MDN1: variants seen among roughly 807,000 people sequenced by gnomAD.
The protein encoded by MDN1 is midasin.
A neutral mutation model predicts 669.2 loss-of-function variants in MDN1; 266 were observed. The ratio of observed to expected loss-of-function variants is 0.40; its 90% confidence interval spans 0.36 to 0.44. The LOEUF (loss-of-function observed/expected upper bound fraction) is 0.44, where lower values mean the gene tolerates loss of function less well. MDN1 is among the 20% of genes least tolerant of loss of function. MDN1 has a pLI of 1.00. For missense variants in MDN1, 5,940 were observed against 6,754.0 expected (o/e 0.88, Z 4.22); for synonymous variants, 2,385 against 2,457.1 (o/e 0.97, Z 0.87).
chr6:89,721,601 C>T (rs543442892), intron 40 of MDN1, among the ~76,000 whole-genome samples: 1 of 152,182 alleles, frequency 6.6e-6, no homozygotes, highest in East Asian at 1.9e-4. Flanking sequence ...CCACAACAAG[C>T]AAGCATGCAG....
chr6:89,813,103 G>C (rs1378453008), intron 1 of MDN1, among the ~76,000 whole-genome samples: 2 of 152,168 alleles, frequency 1.3e-5, no homozygotes, highest in Admixed American at 1.3e-4. Context: ...ACCACGCCCG[G>C]CTAATTTCGT....
intron 33 of MDN1, among the ~76,000 whole-genome samples, chr6:89,736,858 G>C (rs1363292521): frequency 1.3e-5 from 2 of 152,152 alleles, no homozygotes; most frequent in African/African-American, 2.4e-5. Flanking sequence ...TAAATGTGCT[G>C]CTGCAAACAG....
At chr6:89,803,678 T>A in intron 1 of MDN1, 124 bp from the exon 2 acceptor site, 1 of 702,190 alleles carries the variant, frequency 1.4e-6, no homozygotes, top group Admixed American at 2.7e-5. Flanking sequence ...ACCTCCCGGG[T>A]TCATGCCATT....
intron 30 of MDN1, 92 bp downstream of exon 30, chr6:89,743,484 A>AC: frequency 2.7e-6 from 4 of 1,481,146 alleles, no homozygotes. Flanking sequence ...ATTTAACCAA[A>AC]CCAGAACCCA....
Position 89,748,623 on chromosome 6 carries a change from A to ACATTC in MDN1, c.3762+595_3762+599dup, listed in dbSNP as rs571327491. ...AAACCAGTTTTCCCTAAGCCAAATT[A>ACATTC]CATTCTAAACAAAATGCTTCAATAT... On this transcript the variant is annotated intron_variant, in intron 26 of 101. Coordinates refer to ENST00000369393, the MANE Select transcript of MDN1 (RefSeq NM_014611.3). Among the ~76,000 whole-genome samples, 439 of 152,284 alleles carry ACATTC rather than the reference A, an allele frequency of 2.9e-3. 3 individuals are homozygous for ACATTC. The highest frequency in any genetic ancestry group is 0.01 in the Middle Eastern group (3 of 294).
Position 89,785,075 on chromosome 6 carries a change from A to G in MDN1, c.1386T>C (p.Thr462=). ...NWYRPLNSHA[T]LLDKYWTKIH... ...TTTTGGTCCAATATTTGTCTAGCAA[A>G]GTAGCATGACTGTTTAGCGGTCGAT... The change falls in exon 9 of 102, where the codon ACT becomes ACC. Residue 462 remains threonine (T), a synonymous_variant. Transcript: ENST00000369393. 6.2e-7 allele frequency: 1 copy of G among 1,614,164 alleles called. No individual in the cohort carries two copies. Among genetic ancestry groups the G allele is most frequent in the Non-Finnish European group, 8.5e-7 (1 of 1,180,012 alleles).
At chr6:89,817,772 A>G (rs1253891045) in intron 1 of MDN1, among the ~76,000 whole-genome samples, 1 of 152,226 alleles carries the variant, frequency 6.6e-6, no homozygotes, top group Non-Finnish European at 1.5e-5. Context: ...CCCTGAGCAG[A>G]AAGTAAACAA....
intron 76 of MDN1, 43 bp from the exon 77 acceptor site, chr6:89,676,250 T>G: frequency 3.9e-6 from 6 of 1,547,708 alleles, no homozygotes; most frequent in Non-Finnish European, 5.4e-6. Context: ...AAAACCACGC[T>G]CTCCCACCCC....
At chr6:89,783,188 C>T (rs1345777863) in intron 9 of MDN1, among the ~76,000 whole-genome samples, 1 of 152,142 alleles carries the variant, frequency 6.6e-6, no homozygotes, top group Non-Finnish European at 1.5e-5. Flanking sequence ...GAGAGCCTAT[C>T]AACAGATGTG....
chr6:89,741,385 C>T (rs1006767570), intron 31 of MDN1, among the ~76,000 whole-genome samples: 1 of 152,096 alleles, frequency 6.6e-6, no homozygotes, highest in Admixed American at 6.5e-5. Flanking sequence ...TTTCTTCTAG[C>T]CTCCAAGCTG....
chr6:89,684,910 A>T lies in MDN1; in HGVS notation c.11795T>A (p.Val3932Glu). ...TTTTTCTAGGGGGGAACGAAGTTCC[A>T]CAATTTTGGCCTGGACCCGGTCAAA... ...QFFDRVQAKI[V>E]ELRSPLEKEL... is the part of the protein sequence containing the mutation. The change falls in exon 71 of 102, where the codon GTG becomes GAG. Residue 3932 changes from valine to glutamate, a missense_variant. By Grantham distance (121) the Val-to-Glu change is moderately radical. This residue lies in a region of MDN1 where 2,280 missense variants were observed against 2,576.3 expected (regional missense o/e 0.88). Coordinates refer to ENST00000369393, the MANE Select transcript of MDN1 (RefSeq NM_014611.3). 1 of 1,612,530 alleles carries T rather than the reference A, an allele frequency of 6.2e-7. No individual in the cohort carries two copies. The highest frequency in any genetic ancestry group is 8.5e-7 in the Non-Finnish European group (1 of 1,178,536).
Position 89,743,606 on chromosome 6 carries a change from C to A in MDN1, c.4287G>T (p.Leu1429=), listed in dbSNP as rs1428021968. Residue 1429 remains leucine (L), a synonymous_variant, in exon 30 of 102, where the codon CTG becomes CTT. Transcript: ENST00000369393. The stretch of plus-strand genomic sequence containing the variant: ...CGTTTGGCTTTTGTCTCACTGGCCG[C>A]AGGCCACCCAGGAAGTCTGATGTCT... ...HMETSDFLGG[L]RPVRQKPNDK... The A allele has an allele frequency of 4.3e-6, 7 of 1,613,962 alleles. No individual in the cohort carries two copies. Among genetic ancestry groups the A allele is most frequent in the African/African-American group, 1.3e-5 (1 of 74,934 alleles).
intron 13 of MDN1, among the ~76,000 whole-genome samples, chr6:89,773,968 A>C (rs1818232996): frequency 6.6e-6 from 1 of 151,962 alleles, no homozygotes; most frequent in Non-Finnish European, 1.5e-5. Context: ...CTGTCTTAAA[A>C]AGAAAAAAAA....
rs186258254 is a variant in MDN1 at position 89,760,888 on chromosome 6, C to T, written c.2460+757G>A. 3.3e-5 allele frequency among the ~76,000 whole-genome samples: 5 copies of T among 152,234 alleles called. No individual in the cohort carries two copies. The East Asian group carries it at 5.8e-4, about 18-fold the overall frequency. On this transcript the variant is annotated intron_variant, in intron 17 of 101. Transcript: ENST00000369393. The stretch of plus-strand genomic sequence containing the variant: ...GAAAGTACAAAGCCTTGGCCAGGCG[C>T]GGTGGCTCACGCCTGTAATCTCAGC...
intron 64 of MDN1, among the ~76,000 whole-genome samples, chr6:89,690,407 G>A (rs1812303906): frequency 6.6e-6 from 1 of 150,476 alleles, no homozygotes; most frequent in Non-Finnish European, 1.5e-5. Context: ...CCCTGTCTCT[G>A]TAAAAAATAT....
intron 15 of MDN1, among the ~76,000 whole-genome samples, chr6:89,764,083 A>G (rs368500039): frequency 1.7e-3 from 261 of 152,232 alleles, no homozygotes; most frequent in African/African-American, 5.9e-3. Context: ...AGGTGTGGTG[A>G]TGCACATTTG....
chr6:89,701,411 A>T, intron 55 of MDN1, 147 bp downstream of exon 55: 1 of 1,036,782 alleles, frequency 9.6e-7, no homozygotes, highest in Non-Finnish European at 1.4e-6. Context: ...TCCTGGAACC[A>T]ATCACCCCCA....
chr6:89,737,380 A>C (rs974601514), intron 33 of MDN1, among the ~76,000 whole-genome samples: 1 of 152,134 alleles, frequency 6.6e-6, no homozygotes, highest in Non-Finnish European at 1.5e-5. Flanking sequence ...AATTTCCAAG[A>C]AGCAGATATC....
intron 5 of MDN1, 95 bp downstream of exon 5, chr6:89,793,667 A>G (rs1819401123): frequency 1.0e-6 from 1 of 970,842 alleles, no homozygotes. Flanking sequence ...AACTAAATTT[A>G]GCTCACACCT....
Sources: allele counts gnomAD v4.1 joint callset (sites outside exome capture counted in the v4.1 genomes callset), GRCh38; gene constraint gnomAD v4.1.1; regional missense constraint gnomAD v4.1.1; transcripts MANE v1.5; gene names NCBI Gene and HGNC (gene_info 2026-07-23, HGNC 2026-07-21).